Variants in DGKI observed in about 807,000 individuals in gnomAD.
DGKI encodes DAG kinase iota.
DGKI carries 55 observed loss-of-function variants against 147.5 expected under a neutral mutation model. That is an observed-to-expected ratio of 0.37 (90% CI 0.30 to 0.47). The LOEUF is 0.47. Among genes scored for constraint, DGKI ranks in the 20% least tolerant of loss-of-function variants. The pLI, the probability that DGKI is intolerant of heterozygous loss-of-function variation, is 1.00. For missense variants in DGKI, 1,007 were observed against 1,323.8 expected (o/e 0.76, Z 3.71); for synonymous variants, 469 against 477.1 (o/e 0.98, Z 0.22).
intron 1 of DGKI, among the ~76,000 whole-genome samples, chr7:137,693,284 T>C (rs1005258637): frequency 2.6e-5 from 4 of 152,180 alleles, no homozygotes; most frequent in Admixed American, 6.5e-5. Context: ...TCTTTCCTTC[T>C]GCTCAGAATC....
chr7:137,489,435 A>C (rs1815683304), intron 21 of DGKI, among the ~76,000 whole-genome samples: 1 of 152,176 alleles, frequency 6.6e-6, no homozygotes, highest in South Asian at 2.1e-4. Flanking sequence ...CCTCCTTTTA[A>C]AAGATAAACA....
Position 137,384,409 on chromosome 7 carries a change from T to TTTC in DGKI, c.*6810_*6811insGAA. The stretch of plus-strand genomic sequence containing the variant: ...GGAAACTTAGGTAAACATTTTTTTT[T>TTTC]CATGGAGGCAACTTCTATATTATGG... On this transcript the variant is annotated 3_prime_UTR_variant, in exon 33 of 33. Coordinates refer to ENST00000614521, the MANE Select transcript of DGKI (RefSeq NM_001321708.2). 6.6e-6 allele frequency: 1 copy of TTTC among 151,862 alleles called. No individual in the cohort carries two copies. The highest frequency in any genetic ancestry group is 2.1e-4 in the South Asian group (1 of 4,806). 9.4% of individuals were successfully genotyped at this position (151,862 alleles called of 1,614,324 possible). A position where few individuals can be genotyped will look rare whatever the true frequency, so the allele number is the denominator to read the frequency against.
At chr7:137,394,241 T>C (rs1669027) in intron 32 of DGKI, among the ~76,000 whole-genome samples, 151,724 of 152,324 alleles carry the variant, frequency 1, 75,570 homozygotes, top group Middle Eastern at 1. Context: ...TGAGGCTCAA[T>C]GGAAATTCGT....
rs575388667 is a variant in DGKI, at chr7:137,819,350, C to T, written c.401+27112G>A. Reference sequence around the variant, plus strand: ...TTTTTGAGACAGAGTCTCGCTCTGTCGCCCAGGCTGGAGTGCAGTGGCGCC... The same window carrying T: ...TTTTTGAGACAGAGTCTCGCTCTGTTGCCCAGGCTGGAGTGCAGTGGCGCC... On this transcript the variant is annotated intron_variant, in intron 1 of 32. Coordinates refer to ENST00000614521, the MANE Select transcript of DGKI (RefSeq NM_001321708.2). Among the ~76,000 whole-genome samples, 29 of 148,654 alleles carry T rather than the reference C, an allele frequency of 2.0e-4. No individual in the cohort carries two copies. In the South Asian group the frequency reaches 5.1e-3, roughly 26 times the overall value.
chr7:137,761,840 C>A (rs1426694417), intron 1 of DGKI, among the ~76,000 whole-genome samples: 1 of 152,128 alleles, frequency 6.6e-6, no homozygotes, highest in South Asian at 2.1e-4. Flanking sequence ...TGTATATCTC[C>A]ACCTCAATGT....
chr7:137,649,272 C>T (rs1413135112), intron 5 of DGKI, among the ~76,000 whole-genome samples: 1 of 152,180 alleles, frequency 6.6e-6, no homozygotes, highest in Non-Finnish European at 1.5e-5. Flanking sequence ...TTCTAATCCT[C>T]ATATCCCAAG....
chr7:137,829,146 A>G (rs1020531965), intron 1 of DGKI, among the ~76,000 whole-genome samples: 1 of 152,228 alleles, frequency 6.6e-6, no homozygotes, highest in Admixed American at 6.5e-5. Flanking sequence ...CTAATGCTCA[A>G]TATGTCTGGC....
intron 1 of DGKI, among the ~76,000 whole-genome samples, chr7:137,734,569 G>C (rs1000401118): frequency 1.3e-5 from 2 of 151,962 alleles, no homozygotes; most frequent in African/African-American, 4.8e-5. Flanking sequence ...CCTGTGACTA[G>C]GGACCTATAT....
chr7:137,842,220 T>C (rs996475691), intron 1 of DGKI, among the ~76,000 whole-genome samples: 2 of 152,224 alleles, frequency 1.3e-5, no homozygotes, highest in African/African-American at 2.4e-5. Flanking sequence ...CCATACACTA[T>C]TGATTACAAT....
At position 137,386,429 on chromosome 7, in the gene DGKI, C is replaced by T. The variant is rs1811178471; in HGVS notation, c.*4791G>A. The T allele has an allele frequency of 6.6e-6, 1 of 152,108 alleles. No homozygotes were observed. Among genetic ancestry groups the T allele is most frequent in the Non-Finnish European group, 1.5e-5 (1 of 68,002 alleles). The allele number at this position is 152,108 out of a possible 1,614,324, so 9.4% of individuals were successfully genotyped here. On this transcript the variant is annotated 3_prime_UTR_variant, in exon 33 of 33. Coordinates refer to ENST00000614521, the MANE Select transcript of DGKI (RefSeq NM_001321708.2). ...CTCATGGGACTAAGACAGATATTTGCTAAACCTGATAGATTTTCAGAATCA... is the reference window on the plus strand; with the variant it reads ...CTCATGGGACTAAGACAGATATTTGTTAAACCTGATAGATTTTCAGAATCA...
intron 6 of DGKI, among the ~76,000 whole-genome samples, chr7:137,643,066 C>T (rs567512531): frequency 2.4e-4 from 36 of 150,910 alleles, no homozygotes; most frequent in African/African-American, 7.6e-4. Flanking sequence ...CCGAGACGGG[C>T]GGATCACGAG....
At chr7:137,715,204 A>G (rs1794340213) in intron 1 of DGKI, among the ~76,000 whole-genome samples, 1 of 152,226 alleles carries the variant, frequency 6.6e-6, no homozygotes, top group African/African-American at 2.4e-5. Flanking sequence ...CTAGGCTTCA[A>G]TATTTGGAAA....
intron 28 of DGKI, among the ~76,000 whole-genome samples, chr7:137,421,622 A>G (rs1812574642): frequency 6.6e-6 from 1 of 152,236 alleles, no homozygotes; most frequent in Non-Finnish European, 1.5e-5. Context: ...TAAACAGCAC[A>G]GGGACCAGAT....
At chr7:137,521,720 A>C (rs1816966988) in intron 21 of DGKI, 146 bp downstream of exon 21, 1 of 620,708 alleles carries the variant, frequency 1.6e-6, no homozygotes, top group African/African-American at 1.9e-5. Flanking sequence ...TATCACTTGG[A>C]GCCCACATGT....
At chr7:137,678,250 A>G (rs1052247521) in intron 3 of DGKI, among the ~76,000 whole-genome samples, 15 of 152,066 alleles carry the variant, frequency 9.9e-5, no homozygotes, top group Non-Finnish European at 2.1e-4. Flanking sequence ...ATAAGGAGAC[A>G]CTACCTCGTA....
At chr7:137,527,844 T>A (rs1054742134) in intron 20 of DGKI, among the ~76,000 whole-genome samples, 1 of 152,156 alleles carries the variant, frequency 6.6e-6, no homozygotes, top group Non-Finnish European at 1.5e-5. Context: ...ATAATCTAGA[T>A]ATAATAAAAT....
At chr7:137,537,142 C>T (rs1817547298) in intron 20 of DGKI, among the ~76,000 whole-genome samples, 1 of 152,110 alleles carries the variant, frequency 6.6e-6, no homozygotes, top group Non-Finnish European at 1.5e-5. Context: ...TGTGCACAGT[C>T]TGAAGTGAAA....
chr7:137,417,942 A>C (rs1176281325), intron 28 of DGKI, among the ~76,000 whole-genome samples: 1 of 152,214 alleles, frequency 6.6e-6, no homozygotes, highest in Non-Finnish European at 1.5e-5. Flanking sequence ...ACCATGAGCA[A>C]TAAATTTCTA....
chr7:137,725,602 T>TAA (rs34222832), intron 1 of DGKI, among the ~76,000 whole-genome samples: 333 of 147,508 alleles, frequency 2.3e-3, no homozygotes, highest in African/African-American at 5.4e-3. Context: ...TTGTTTTCTT[T>TAA]AAAAAAAAAA....
Sources: gnomAD v4.1 joint callset for allele counts (sites outside exome capture counted in the v4.1 genomes callset) on GRCh38, gnomAD v4.1.1 for gene constraint, MANE v1.5 for transcripts, NCBI Gene and HGNC (gene_info 2026-07-23, HGNC 2026-07-21) for gene names.